TNC: variants seen among roughly 807,000 people sequenced by gnomAD.
TNC encodes tenascin.
In TNC, 109 loss-of-function variants were observed where a neutral mutation model predicts 202.4. The observed-to-expected ratio is 0.54, with a 90% CI of 0.46 to 0.63. TNC has a LOEUF of 0.63. Among genes scored for constraint, TNC ranks in the 30% least tolerant of loss-of-function variants. The pLI is 0.00. For missense variants in TNC, 2,756 were observed against 2,833.3 expected (o/e 0.97, Z 0.62); for synonymous variants, 1,007 against 1,089.7 (o/e 0.92, Z 1.50).
At chr9:115,083,795 G>A (rs1176843407) in intron 4 of TNC, among the ~76,000 whole-genome samples, 1 of 152,066 alleles carries the variant, frequency 6.6e-6, no homozygotes, top group Non-Finnish European at 1.5e-5. Flanking sequence ...AGTAGAGACA[G>A]GGTTTCGCCA....
intron 26 of TNC, among the ~76,000 whole-genome samples, chr9:115,024,481 T>G (rs79943563): frequency 0.017 from 2,535 of 152,320 alleles, 73 homozygotes; most frequent in African/African-American, 0.058. Flanking sequence ...ACCAGCACTT[T>G]GATTCTATAT....
At chr9:115,031,512 A>G (rs1461853124) in intron 23 of TNC, 41 bp downstream of exon 23, 1 of 1,480,110 alleles carries the variant, frequency 6.8e-7, no homozygotes, top group Middle Eastern at 1.8e-4. Flanking sequence ...ATTCAGTCAA[A>G]GTTAGATCTC....
intron 1 of TNC, among the ~76,000 whole-genome samples, chr9:115,095,187 G>A (rs545259759): frequency 6.2e-4 from 94 of 152,174 alleles, no homozygotes; most frequent in African/African-American, 2.2e-3. Flanking sequence ...GGATCATTGT[G>A]AAAAGTGCAT....
Position 115,117,995 on chromosome 9 carries a change from G to T in TNC, c.-150C>A, listed in dbSNP as rs1284037076. ...AAACAGACTTACCTTTCCGATGGGC[G>T]AGAGACCTAGGTCCTTGGAAGAAGT... is the stretch of plus-strand genomic sequence containing the variant. On this transcript the variant is annotated 5_prime_UTR_variant, in exon 1 of 28. Coordinates refer to ENST00000350763, the MANE Select transcript of TNC (RefSeq NM_002160.4). 1.3e-5 allele frequency: 2 copies of T among 152,184 alleles called. No homozygotes were observed. Among genetic ancestry groups the T allele is most frequent in the Admixed American group, 6.5e-5 (1 of 15,282 alleles). 9.4% of individuals were successfully genotyped at this position (152,184 alleles called of 1,614,324 possible). A position where few individuals can be genotyped will look rare whatever the true frequency, so the allele number is the denominator to read the frequency against.
At chr9:115,108,135 T>G (rs1235725878) in intron 1 of TNC, among the ~76,000 whole-genome samples, 1 of 152,172 alleles carries the variant, frequency 6.6e-6, no homozygotes, top group Non-Finnish European at 1.5e-5. Flanking sequence ...GAGCTAGGTT[T>G]TCCTTCCTGG....
At chr9:115,082,870 C>T in intron 4 of TNC, 63 bp from the exon 5 acceptor site, 1 of 1,111,192 alleles carries the variant, frequency 9.0e-7, no homozygotes, top group Non-Finnish European at 1.4e-6. Context: ...GCAACGCGGC[C>T]ACGATTCCAC....
Position 115,038,249 on chromosome 9 carries a change from A to T in TNC, c.5512+12T>A. On this transcript the variant is annotated intron_variant, in intron 20 of 27. Transcript: ENST00000350763. ...CTCCTTAGAGTGAGGAGAGACTTGG[A>T]CAAAACCTTACCTTTCTCGCCTGTG... 6.2e-7 allele frequency: 1 copy of T among 1,613,060 alleles called. No individual in the cohort carries two copies. Among genetic ancestry groups the T allele is most frequent in the Admixed American group, 1.7e-5 (1 of 59,984 alleles).
At chr9:115,111,825 T>C (rs899869619) in intron 1 of TNC, among the ~76,000 whole-genome samples, 2 of 151,972 alleles carry the variant, frequency 1.3e-5, no homozygotes, top group Non-Finnish European at 2.9e-5. Flanking sequence ...AGGCCCTCAG[T>C]TCAATATCTC....
At chr9:115,053,939 T>C (rs1831901634) in intron 15 of TNC, among the ~76,000 whole-genome samples, 1 of 152,232 alleles carries the variant, frequency 6.6e-6, no homozygotes, top group African/African-American at 2.4e-5. Flanking sequence ...CTCTTTTCTG[T>C]TAAAGTCTAG....
rs1831219549 is a variant in TNC at position 115,046,639 on chromosome 9, G to A, written c.4896C>T (p.Thr1632=). 2 of 1,613,618 alleles carry A rather than the reference G, an allele frequency of 1.2e-6. No homozygotes were observed. The highest frequency in any genetic ancestry group is 8.5e-7 in the Non-Finnish European group (1 of 1,179,958). The change falls in exon 17 of 28, where the codon ACC becomes ACT. Residue 1632 remains threonine (T), a synonymous_variant. Transcript: ENST00000350763. ...EVDNLLVSDA[T]PDGFRLSWTA... ...TCCAGGACAGACGGAAACCGTCTGG[G>A]GTGGCATCTGAAACCAGAAGGTTGT... is the stretch of plus-strand genomic sequence containing the variant.
In TNC at chr9:115,091,031, T is replaced by C. The variant is rs1588179747; in HGVS notation, c.-13A>G. 6.2e-7 allele frequency: 1 copy of C among 1,604,756 alleles called. No homozygotes were observed. Among genetic ancestry groups the C allele is most frequent in the South Asian group, 1.1e-5 (1 of 90,992 alleles). ...TCATGGCCCCCATGGTGGAGGTGGG[T>C]TTGGCTGGGTGCTGCTGGGGCTCTA... On this transcript the variant is annotated 5_prime_UTR_variant, in exon 2 of 28. Transcript: ENST00000350763.
chr9:115,050,051 G>A (rs1025956166), intron 15 of TNC, among the ~76,000 whole-genome samples: 1 of 152,076 alleles, frequency 6.6e-6, no homozygotes, highest in Non-Finnish European at 1.5e-5. Context: ...CTCTTATACT[G>A]GGCAAACAAT....
intron 8 of TNC, 31 bp from the exon 9 acceptor site, chr9:115,076,152 TC>T: frequency 6.3e-7 from 1 of 1,599,388 alleles, no homozygotes; most frequent in Non-Finnish European, 8.6e-7. Context: ...TTGAGATTCA[TC>T]CTGAAATCAG....
Position 115,111,385 on chromosome 9 carries a change from T to TTCTC in TNC, c.-137+6593_-137+6596dup, listed in dbSNP as rs766678704. Among the ~76,000 whole-genome samples, 466 of 135,848 alleles carry TTCTC rather than the reference T, an allele frequency of 3.4e-3. 7 individuals are homozygous for TTCTC. The highest frequency in any genetic ancestry group is 0.018 in the East Asian group (76 of 4,176). 89.1% of individuals were successfully genotyped at this position (135,848 alleles called of 152,430 possible). ...GTGATGTGCCTCTTGCTTATAGACT[T>TTCTC]TCTCTCTCTCTCTCTTTTTTTTTTT... is the stretch of plus-strand genomic sequence containing the variant. On this transcript the variant is annotated intron_variant, in intron 1 of 27. Transcript: ENST00000350763.
In TNC at chr9:115,076,384, G is replaced by C; in HGVS notation, c.2860+6C>G. On this transcript the variant is annotated splice_donor_region_variant and intron_variant, in intron 8 of 27. Coordinates refer to ENST00000350763, the MANE Select transcript of TNC (RefSeq NM_002160.4). ...TGGCTCAGGCTTGCAGAGATGCAGAGCTCACCTGTGAGTGTGGTTTTGGTT... is the reference window on the plus strand; with the variant it reads ...TGGCTCAGGCTTGCAGAGATGCAGACCTCACCTGTGAGTGTGGTTTTGGTT... 6.2e-7 allele frequency: 1 copy of C among 1,613,848 alleles called. No individual in the cohort carries two copies. The highest frequency in any genetic ancestry group is 8.5e-7 in the Non-Finnish European group (1 of 1,179,900).
rs1443133873 is a variant in TNC, at chr9:115,076,677, A to G, written c.2675-102T>C. On this transcript the variant is annotated intron_variant, in intron 7 of 27. Transcript: ENST00000350763. ...ATATGAAACGTGCCTGGAACTGGAG[A>G]GAAATTACAAAATTCTCAGCACACT... is the stretch of plus-strand genomic sequence containing the variant. 3.0e-6 allele frequency: 4 copies of G among 1,317,686 alleles called. No homozygotes were observed. The African/African-American group carries it at 4.4e-5, about 15-fold the overall frequency. 81.6% of individuals were successfully genotyped at this position (1,317,686 alleles called of 1,614,324 possible). A position where few individuals can be genotyped will look rare whatever the true frequency, so the allele number is the denominator to read the frequency against.
intron 19 of TNC, among the ~76,000 whole-genome samples, chr9:115,040,264 A>G (rs544681471): frequency 6.6e-6 from 1 of 152,126 alleles, no homozygotes; most frequent in Non-Finnish European, 1.5e-5. Flanking sequence ...AAGGTATTTC[A>G]TTTGTCTCAG....
At chr9:115,058,890 CA>C (rs1373993520) in intron 14 of TNC, among the ~76,000 whole-genome samples, 2 of 152,184 alleles carry the variant, frequency 1.3e-5, no homozygotes, top group Non-Finnish European at 2.9e-5. Flanking sequence ...AGTCTTGTAA[CA>C]GGGGTAGAGT....
At chr9:115,098,226 G>T (rs1226315447) in intron 1 of TNC, among the ~76,000 whole-genome samples, 1 of 152,158 alleles carries the variant, frequency 6.6e-6, no homozygotes. Context: ...CTTTTATTCA[G>T]AGCATTACTG....
Sources: gnomAD v4.1 joint callset for allele counts (sites outside exome capture counted in the v4.1 genomes callset) on GRCh38, gnomAD v4.1.1 for gene constraint, MANE v1.5 for transcripts, NCBI Gene and HGNC (gene_info 2026-07-23, HGNC 2026-07-21) for gene names.